FBXW10: variants seen among roughly 807,000 people sequenced by gnomAD.
FBXW10 encodes F-box and WD repeat domain containing 10, also known as F-box/WD repeat-containing protein 10.
FBXW10 carries 68 observed loss-of-function variants against 113.1 expected under a neutral mutation model. That is an observed-to-expected ratio of 0.60 (90% CI 0.49 to 0.74). The LOEUF (loss-of-function observed/expected upper bound fraction) is 0.74. Among genes scored for constraint, FBXW10 ranks in the 30% least tolerant of loss-of-function variants. FBXW10 has a pLI of 0.00. For missense variants in FBXW10, 753 were observed against 1,284.5 expected, an observed-to-expected ratio of 0.59 and a Z score of 6.32; for synonymous variants, 289 against 481.6, an observed-to-expected ratio of 0.60 and a Z score of 5.24.
rs1192658403 is a variant in FBXW10, at chr17:18,772,756, A to G, written c.2278+73A>G. 2.3e-6 allele frequency: 3 copies of G among 1,310,522 alleles called. No individual in the cohort carries two copies. The African/African-American group carries it at 4.4e-5, about 19-fold the overall frequency. The allele number at this position is 1,310,522 out of a possible 1,614,324, so 81.2% of individuals were successfully genotyped here. Reference sequence around the variant, plus strand: ...GTCGGGGTTTGGTGGGGGTGGTGGGAGACGGGGAGGACTGGTTCGTTTGTG... The same window carrying G: ...GTCGGGGTTTGGTGGGGGTGGTGGGGGACGGGGAGGACTGGTTCGTTTGTG... On this transcript the variant is annotated intron_variant, in intron 12 of 13. Coordinates refer to ENST00000395665, the MANE Select transcript of FBXW10 (RefSeq NM_001267585.2).
Position 18,766,940 on chromosome 17 carries a change from G to A in FBXW10, c.1704+78G>A, listed in dbSNP as rs2151820487. 4 of 1,458,094 alleles carry A rather than the reference G, an allele frequency of 2.7e-6. No homozygotes were observed. In the South Asian group the frequency reaches 5.0e-5, roughly 18 times the overall value. The allele number at this position is 1,458,094 out of a possible 1,614,324, so 90.3% of individuals were successfully genotyped here. A position where few individuals can be genotyped will look rare whatever the true frequency, so the allele number is the denominator to read the frequency against. ...TGGGCTCCCCCTACCTAGCTCCTCAGGTCATCCTAGAGCAACTGAGTATGA... is the reference window on the plus strand; with the variant it reads ...TGGGCTCCCCCTACCTAGCTCCTCAAGTCATCCTAGAGCAACTGAGTATGA... On this transcript the variant is annotated intron_variant, in intron 9 of 13. Transcript: ENST00000395665.
intron 5 of FBXW10, among the ~76,000 whole-genome samples, chr17:18,752,453 G>A (rs949454907): frequency 4.6e-5 from 7 of 152,154 alleles, no homozygotes; most frequent in East Asian, 1.9e-4. Context: ...AGCAGCTCAC[G>A]CCTGTAATCC....
At chr17:18,767,998 A>AT (rs1567623301) in intron 9 of FBXW10, among the ~76,000 whole-genome samples, 2 of 119,510 alleles carry the variant, frequency 1.7e-5, no homozygotes, top group East Asian at 4.1e-4. Context: ...TTTTTCTTTT[A>AT]TTTTTTCTTT....
intron 6 of FBXW10, among the ~76,000 whole-genome samples, chr17:18,757,153 T>A (rs1340936161): frequency 2.0e-5 from 3 of 152,186 alleles, no homozygotes; most frequent in Non-Finnish European, 4.4e-5. Flanking sequence ...CACACATATA[T>A]ATGTAGTTTA....
At chr17:18,759,416 A>C (rs2151807451) in intron 7 of FBXW10, among the ~76,000 whole-genome samples, 1 of 151,572 alleles carries the variant, frequency 6.6e-6, no homozygotes. Flanking sequence ...CCTGTTTTTG[A>C]ACTCAACATA....
At chr17:18,759,124 G>C (rs965257605) in intron 7 of FBXW10, among the ~76,000 whole-genome samples, 2 of 151,872 alleles carry the variant, frequency 1.3e-5, no homozygotes, top group African/African-American at 4.8e-5. Context: ...GAGCCGAGAT[G>C]GTGCCACTAC....
chr17:18,745,400 G>A lies in FBXW10; in HGVS notation c.505+651G>A, dbSNP rs1016673071. 2.1e-4 allele frequency: 66 copies of A among 311,570 alleles called. 2 individuals are homozygous for A. The highest frequency in any genetic ancestry group is 1.6e-4 in the Non-Finnish European group (35 of 214,300). The allele number at this position is 311,570 out of a possible 1,614,324, so 19.3% of individuals were successfully genotyped here. A position where few individuals can be genotyped will look rare whatever the true frequency, so the allele number is the denominator to read the frequency against. On this transcript the variant is annotated intron_variant, in intron 1 of 13. Coordinates refer to ENST00000395665, the MANE Select transcript of FBXW10 (RefSeq NM_001267585.2). ...TTCGGACTCAGCAGGTCTGAGGTGG[G>A]CCCAGGATTCTGTATGTCTTTTCTT...
At chr17:18,745,706 A>G (rs1331244159) in intron 1 of FBXW10, among the ~76,000 whole-genome samples, 1 of 152,032 alleles carries the variant, frequency 6.6e-6, no homozygotes, top group Non-Finnish European at 1.5e-5. Context: ...GAGCCACTGC[A>G]CTCGACCAGG....
In FBXW10 at chr17:18,750,149, A is replaced by G. The variant is rs772325828; in HGVS notation, c.999+12A>G. ...TTACCTTCTTGCAGGTACTTCCTGC[A>G]AGTCTGAAAGGGGAATGTCTGAGAC... On this transcript the variant is annotated intron_variant, in intron 4 of 13. Coordinates refer to ENST00000395665, the MANE Select transcript of FBXW10 (RefSeq NM_001267585.2). 1.1e-5 allele frequency: 17 copies of G among 1,596,436 alleles called. No homozygotes were observed. In the Admixed American group the frequency reaches 2.9e-4, roughly 27 times the overall value.
chr17:18,770,219 C>G (rs1166046392), intron 11 of FBXW10, 134 bp downstream of exon 11: 1 of 1,367,238 alleles, frequency 7.3e-7, no homozygotes, highest in East Asian at 2.3e-5. Context: ...ACAATTCTGG[C>G]TGGGTGGAGC....
chr17:18,764,402 A>G (rs7225387), intron 7 of FBXW10, among the ~76,000 whole-genome samples: 13,295 of 151,936 alleles, frequency 0.088, 669 homozygotes, highest in African/African-American at 0.13. Context: ...GGGTTTCACC[A>G]TGTTGGCCAG....
intron 1 of FBXW10, among the ~76,000 whole-genome samples, chr17:18,745,891 T>C (rs1196935895): frequency 6.6e-6 from 1 of 152,198 alleles, no homozygotes; most frequent in South Asian, 2.1e-4. Flanking sequence ...TATAAAGGAA[T>C]ACCTGAGGCT....
At chr17:18,774,982 T>A (rs1219940288) in intron 12 of FBXW10, among the ~76,000 whole-genome samples, 154 bp from the exon 13 acceptor site, 3 of 152,196 alleles carry the variant, frequency 2.0e-5, no homozygotes, top group African/African-American at 4.8e-5. Flanking sequence ...ATGTACTCCA[T>A]AATTATGTAT....
chr17:18,769,707 G>A, intron 10 of FBXW10: 1 of 525,478 alleles, frequency 1.9e-6, no homozygotes, highest in Non-Finnish European at 3.3e-6. Flanking sequence ...TATCTGGTAG[G>A]TGGGGGTTGC....
intron 9 of FBXW10, among the ~76,000 whole-genome samples, chr17:18,767,075 A>C (rs1372440150): frequency 6.6e-6 from 1 of 152,156 alleles, no homozygotes; most frequent in African/African-American, 2.4e-5. Context: ...CCACGGTATC[A>C]TGGGGTTGGT....
rs748242541 is a variant in FBXW10, at chr17:18,751,049, C to T, written c.1118C>T (p.Thr373Met). 1.2e-5 allele frequency: 19 copies of T among 1,613,668 alleles called. No individual in the cohort carries two copies. The Admixed American group carries it at 2.2e-4, about 18-fold the overall frequency. Residue 373 changes from threonine to methionine, a missense_variant, in exon 5 of 14, where the codon ACG (threonine) becomes ATG (methionine). Transcript: ENST00000395665. ...AAACATCCGAAGTGGAAGCTGAGAA[C>T]GAAGGTGGGTTCCAACAGCATCTGG... ...RVKHPKWKLR[T>M]KNEYNLWTAY...
Position 18,772,426 on chromosome 17 carries a change from C to G in FBXW10, c.2021C>G (p.Thr674Arg), listed in dbSNP as rs1388927720. Residue 674 changes from threonine to arginine, a missense_variant, in exon 12 of 14, where the codon ACA becomes AGA. Thr to Arg is a moderately conservative substitution (Grantham distance 71). Coordinates refer to ENST00000395665, the MANE Select transcript of FBXW10 (RefSeq NM_001267585.2). ...TTCGGTTCCAGGATGGTGGTCAACACAGAGAGCAATGTTCTCATGTTCCAG... is the reference window on the plus strand; with the variant it reads ...TTCGGTTCCAGGATGGTGGTCAACAGAGAGAGCAATGTTCTCATGTTCCAG... The part of the protein sequence containing the change: ...FIQGNRMVVN[T>R]ESNVLMFQFE... 8.1e-6 allele frequency: 13 copies of G among 1,613,488 alleles called. No homozygotes were observed. Among genetic ancestry groups the G allele is most frequent in the Non-Finnish European group, 1.1e-5 (13 of 1,179,762 alleles).
intron 1 of FBXW10, among the ~76,000 whole-genome samples, chr17:18,747,299 G>A (rs2035057125): frequency 6.6e-6 from 1 of 152,094 alleles, no homozygotes; most frequent in Non-Finnish European, 1.5e-5. Context: ...AGTGGCTCAC[G>A]CTTGTAATCC....
chr17:18,772,725 G>C, intron 12 of FBXW10, 42 bp downstream of exon 12: 1 of 1,568,968 alleles, frequency 6.4e-7, no homozygotes, highest in Non-Finnish European at 8.7e-7. Flanking sequence ...ATAACCCACA[G>C]AGCAGGTCGG....
Sources: allele counts gnomAD v4.1 joint callset (sites outside exome capture counted in the v4.1 genomes callset), GRCh38; gene constraint gnomAD v4.1.1; transcripts MANE v1.5; gene names NCBI Gene and HGNC (gene_info 2026-07-23, HGNC 2026-07-21).